Variants in PPP3CB observed in about 807,000 individuals in gnomAD.
PPP3CB encodes the protein protein phosphatase 3 catalytic subunit beta, also known as serine/threonine-protein phosphatase 2B catalytic subunit beta isoform.
In PPP3CB, 8 loss-of-function variants were observed where a neutral mutation model predicts 66.4. That is an observed-to-expected ratio of 0.12 (90% CI 0.07 to 0.22). PPP3CB has a LOEUF of 0.22. Among genes scored for constraint, PPP3CB ranks in the 10% least tolerant of loss-of-function variants. The pLI is 1.00. For synonymous variants in PPP3CB, 208 were observed against 221.2 expected (o/e 0.94, Z 0.53); for missense variants, 319 against 642.5 (o/e 0.50, Z 5.44).
intron 1 of PPP3CB, among the ~76,000 whole-genome samples, chr10:73,485,950 G>GTATA (rs564435186): frequency 2.4e-5 from 3 of 124,638 alleles, no homozygotes; most frequent in Non-Finnish European, 3.3e-5. Flanking sequence ...GTGTGTGTGT[G>GTATA]TATTTTTTTT....
chr10:73,490,791 T>C (rs1455533409), intron 1 of PPP3CB, among the ~76,000 whole-genome samples: 1 of 152,082 alleles, frequency 6.6e-6, no homozygotes, highest in Non-Finnish European at 1.5e-5. Context: ...TTCTGTTCCT[T>C]TGCTTTCACT....
intron 4 of PPP3CB, among the ~76,000 whole-genome samples, chr10:73,472,423 G>A (rs1363835941): frequency 6.6e-6 from 1 of 151,956 alleles, no homozygotes; most frequent in East Asian, 1.9e-4. Flanking sequence ...GAACCCAGGA[G>A]GTGGAGGCTG....
Position 73,471,405 on chromosome 10 carries a change from T to C in PPP3CB, c.669+63A>G, listed in dbSNP as rs2056699457. ...TGGCAGTGAAGTGAAGTTTGAAACT[T>C]CTGCTCTACTCAACAATGTACTATA... On this transcript the variant is annotated intron_variant, in intron 5 of 13. Transcript: ENST00000360663. 5.3e-6 allele frequency: 8 copies of C among 1,498,554 alleles called. No individual in the cohort carries two copies. In the South Asian group the frequency reaches 7.8e-5, roughly 15 times the overall value. The allele number at this position is 1,498,554 out of a possible 1,614,324, so 92.8% of individuals were successfully genotyped here.
chr10:73,457,080 T>C (rs190206214), intron 9 of PPP3CB, among the ~76,000 whole-genome samples: 1 of 151,602 alleles, frequency 6.6e-6, no homozygotes, highest in Admixed American at 6.6e-5. Flanking sequence ...ATATACACAA[T>C]AAAATGTATT....
rs777678439 is a variant in PPP3CB at position 73,474,104 on chromosome 10, G to C, written c.523+815C>G. On this transcript the variant is annotated intron_variant, in intron 4 of 13. Coordinates refer to ENST00000360663, the MANE Select transcript of PPP3CB (RefSeq NM_021132.4). ...GTTGCCCAGGCTGGAGTACAATGGC[G>C]CGATCTCGGCTCACTGCAACCTCCG... Among the ~76,000 whole-genome samples, 13 of 151,972 alleles carry C rather than the reference G, an allele frequency of 8.6e-5. 1 individual carries two copies. The highest frequency in any genetic ancestry group is 1.6e-4 in the Non-Finnish European group (11 of 67,978).
intron 4 of PPP3CB, among the ~76,000 whole-genome samples, chr10:73,473,939 T>G (rs1430584997): frequency 1.3e-5 from 2 of 152,224 alleles, no homozygotes; most frequent in Non-Finnish European, 2.9e-5. Context: ...AACAATTTGT[T>G]AGGATTCCTC....
chr10:73,484,152 A>C (rs971963810), intron 1 of PPP3CB, among the ~76,000 whole-genome samples: 1 of 152,036 alleles, frequency 6.6e-6, no homozygotes, highest in African/African-American at 2.4e-5. Context: ...AAAAAAAATT[A>C]ATTCTCAACT....
intron 12 of PPP3CB, chr10:73,444,467 C>T: frequency 2.0e-6 from 2 of 985,128 alleles, no homozygotes; most frequent in Non-Finnish European, 2.9e-6. Context: ...ATGATATGAG[C>T]TGCTCCCATA....
At chr10:73,473,236 G>T (rs11000666) in intron 4 of PPP3CB, among the ~76,000 whole-genome samples, 22,967 of 152,124 alleles carry the variant, frequency 0.15, 2,817 homozygotes, top group African/African-American at 0.32. Flanking sequence ...TTTTTCTCCT[G>T]TTGCTGCAAG....
chr10:73,491,417 G>A (rs541709029), intron 1 of PPP3CB, among the ~76,000 whole-genome samples: 10 of 150,732 alleles, frequency 6.6e-5, no homozygotes, highest in South Asian at 2.1e-4. Context: ...CCCCCGCCTC[G>A]GCCTCCCAAA....
intron 11 of PPP3CB, 69 bp from the exon 12 acceptor site, chr10:73,444,891 G>T: frequency 1.4e-6 from 2 of 1,471,464 alleles, no homozygotes; most frequent in Non-Finnish European, 1.9e-6. Context: ...AAGACATAGG[G>T]TCTAGATATA....
chr10:73,481,983 CCAAT>C (rs2056887142), intron 1 of PPP3CB, among the ~76,000 whole-genome samples: 1 of 151,860 alleles, frequency 6.6e-6, no homozygotes, highest in African/African-American at 2.4e-5. Context: ...AATGTTTTTA[CCAAT>C]CAAAGATTAA....
intron 3 of PPP3CB, among the ~76,000 whole-genome samples, chr10:73,478,076 C>T (rs549468716): frequency 6.6e-6 from 1 of 152,094 alleles, no homozygotes; most frequent in East Asian, 1.9e-4. Context: ...TTAATAGCTA[C>T]ACAAGGAGAA....
chr10:73,461,659 C>A (rs893988718), intron 9 of PPP3CB, among the ~76,000 whole-genome samples: 1 of 152,104 alleles, frequency 6.6e-6, no homozygotes, highest in East Asian at 1.9e-4. Flanking sequence ...TCAGATGAGA[C>A]TTTGGAGTTG....
chr10:73,487,564 C>CA (rs746889105), intron 1 of PPP3CB, among the ~76,000 whole-genome samples: 11,761 of 64,664 alleles, frequency 0.18, 539 homozygotes, highest in East Asian at 0.31. Flanking sequence ...AAACCAAAAC[C>CA]AAAAAAAAAA....
At chr10:73,479,599 T>C in intron 1 of PPP3CB, 82 bp from the exon 2 acceptor site, 1 of 1,279,186 alleles carries the variant, frequency 7.8e-7, no homozygotes, top group Non-Finnish European at 1.1e-6. Context: ...TAGATAAGAC[T>C]AAAAACTGTA....
intron 9 of PPP3CB, among the ~76,000 whole-genome samples, chr10:73,460,665 A>G (rs983863095): frequency 9.8e-5 from 15 of 152,354 alleles, no homozygotes; most frequent in African/African-American, 3.4e-4. Context: ...AGACAATGGA[A>G]AAAAGGAAGC....
chr10:73,469,584 C>T (rs1384278926), intron 8 of PPP3CB, among the ~76,000 whole-genome samples: 1 of 152,106 alleles, frequency 6.6e-6, no homozygotes, highest in Non-Finnish European at 1.5e-5. Flanking sequence ...TGTTTCTTCT[C>T]AAAAATGAAG....
intron 8 of PPP3CB, 23 bp downstream of exon 8, chr10:73,470,664 T>A: frequency 7.0e-7 from 1 of 1,420,266 alleles, no homozygotes; most frequent in African/African-American, 1.4e-5. Flanking sequence ...GTTTAACAAT[T>A]TTTTTTATCA....
Sources: allele counts gnomAD v4.1 joint callset (sites outside exome capture counted in the v4.1 genomes callset), GRCh38; gene constraint gnomAD v4.1.1; transcripts MANE v1.5; gene names NCBI Gene and HGNC (gene_info 2026-07-23, HGNC 2026-07-21).